Variants in MAN1A1 observed in about 807,000 individuals in gnomAD.
MAN1A1 encodes the protein mannosyl-oligosaccharide 1,2-alpha-mannosidase IA.
A neutral mutation model predicts 70.8 loss-of-function variants in MAN1A1; 29 were observed. That is an observed-to-expected ratio of 0.41 (90% CI 0.31 to 0.56). MAN1A1 has a LOEUF of 0.56. Among genes scored for constraint, MAN1A1 ranks in the 20% least tolerant of loss-of-function variants. MAN1A1 has a pLI of 0.29. For synonymous variants in MAN1A1, 349 were observed against 330.1 expected (o/e 1.06, Z -0.62); for missense variants, 747 against 841.3 (o/e 0.89, Z 1.39).
chr6:119,317,261 T>A (rs1291366666), intron 2 of MAN1A1, among the ~76,000 whole-genome samples: 4 of 152,178 alleles, frequency 2.6e-5, no homozygotes, highest in Non-Finnish European at 5.9e-5. Context: ...CCAAAGTCCA[T>A]GATTTACATT....
At chr6:119,303,117 C>G (rs948245638) in intron 3 of MAN1A1, among the ~76,000 whole-genome samples, 3 of 152,144 alleles carry the variant, frequency 2.0e-5, no homozygotes, top group Non-Finnish European at 4.4e-5. Context: ...CTCCTAGGCA[C>G]AAGTGATTCT....
At chr6:119,180,242 A>G (rs1418060607) in intron 12 of MAN1A1, 70 bp downstream of exon 12, 22 of 1,051,326 alleles carry the variant, frequency 2.1e-5, no homozygotes, top group Non-Finnish European at 3.0e-5. Context: ...GAATGTGTTC[A>G]TGATAAAGAC....
At chr6:119,259,448 T>C (rs977645088) in intron 5 of MAN1A1, among the ~76,000 whole-genome samples, 1 of 152,216 alleles carries the variant, frequency 6.6e-6, no homozygotes, top group African/African-American at 2.4e-5. Context: ...ATACAGGTTT[T>C]GTTTCTTTTA....
In MAN1A1 at chr6:119,223,028, T is replaced by G. The variant is rs534191955; in HGVS notation, c.993-18146A>C. On this transcript the variant is annotated intron_variant, in intron 6 of 12. Coordinates refer to ENST00000368468, the MANE Select transcript of MAN1A1 (RefSeq NM_005907.4). ...TGGATGAATTGTATGGTATGTGAAT[T>G]ATATCTCAAAGTGGTTTAAAAAGGG... Among the ~76,000 whole-genome samples the G allele has an allele frequency of 2.0e-5, 3 of 152,198 alleles. No individual in the cohort carries two copies. The South Asian group carries it at 6.2e-4, about 32-fold the overall frequency.
intron 10 of MAN1A1, among the ~76,000 whole-genome samples, chr6:119,189,022 A>G (rs1773368106): frequency 6.6e-6 from 1 of 152,186 alleles, no homozygotes; most frequent in Non-Finnish European, 1.5e-5. Context: ...CAAAGTAGTC[A>G]TTTTAAAAAC....
chr6:119,284,257 C>T lies in MAN1A1; in HGVS notation c.897+6426G>A, dbSNP rs74968577. Among the ~76,000 whole-genome samples, 52 of 152,266 alleles carry T rather than the reference C, an allele frequency of 3.4e-4. No individual in the cohort carries two copies. The East Asian group carries it at 8.3e-3, about 24-fold the overall frequency. On this transcript the variant is annotated intron_variant, in intron 5 of 12. Coordinates refer to ENST00000368468, the MANE Select transcript of MAN1A1 (RefSeq NM_005907.4). ...ATTGTGATCTGGAGCACATCTCTCA[C>T]GGTTTTTTCCCAATCACCGCCCAAT...
intron 5 of MAN1A1, chr6:119,269,464 G>C (rs1452228369): frequency 1.2e-5 from 2 of 169,250 alleles, no homozygotes; most frequent in Non-Finnish European, 2.6e-5. Flanking sequence ...GCTTGGTCTT[G>C]CGAAGCAGCA....
At chr6:119,202,958 G>T (rs1035736655) in intron 7 of MAN1A1, among the ~76,000 whole-genome samples, 1 of 151,006 alleles carries the variant, frequency 6.6e-6, no homozygotes, top group Non-Finnish European at 1.5e-5. Flanking sequence ...AATGGGATTA[G>T]TGCCCTCATG....
chr6:119,233,817 C>G (rs1020724735), intron 6 of MAN1A1, among the ~76,000 whole-genome samples: 7 of 152,212 alleles, frequency 4.6e-5, no homozygotes, highest in African/African-American at 1.7e-4. Flanking sequence ...CTACAGCTTT[C>G]AGAGGCTTTT....
intron 2 of MAN1A1, among the ~76,000 whole-genome samples, chr6:119,312,007 AC>A (rs1333019732): frequency 6.6e-6 from 1 of 152,156 alleles, no homozygotes; most frequent in African/African-American, 2.4e-5. Context: ...TGAGGAAATA[AC>A]CTAGAGACCA....
chr6:119,230,262 T>C (rs1774641287), intron 6 of MAN1A1, among the ~76,000 whole-genome samples: 1 of 152,208 alleles, frequency 6.6e-6, no homozygotes, highest in Admixed American at 6.5e-5. Context: ...GTCATAATGC[T>C]TTATGGCTCT....
intron 8 of MAN1A1, among the ~76,000 whole-genome samples, chr6:119,197,955 T>C (rs1190215050): frequency 6.6e-6 from 1 of 152,202 alleles, no homozygotes; most frequent in African/African-American, 2.4e-5. Flanking sequence ...TCCCCCTTCA[T>C]AGCAGCTTCT....
chr6:119,300,316 T>G (rs1223084100), intron 4 of MAN1A1, among the ~76,000 whole-genome samples: 3 of 151,580 alleles, frequency 2.0e-5, no homozygotes, highest in Non-Finnish European at 2.9e-5. Context: ...AGTGCAGTGG[T>G]GCAATCACGG....
intron 6 of MAN1A1, among the ~76,000 whole-genome samples, chr6:119,243,448 T>A (rs1162625711): frequency 6.6e-6 from 1 of 152,100 alleles, no homozygotes; most frequent in Non-Finnish European, 1.5e-5. Flanking sequence ...GAAAACACTT[T>A]AACAATATTT....
chr6:119,294,037 C>T (rs57719766), intron 4 of MAN1A1, among the ~76,000 whole-genome samples: 17,378 of 152,040 alleles, frequency 0.11, 1,083 homozygotes, highest in Non-Finnish European at 0.14. Context: ...TCAGCCTAAA[C>T]GAACTAAAAC....
chr6:119,275,532 T>G (rs1428584328), intron 5 of MAN1A1, among the ~76,000 whole-genome samples: 3 of 148,846 alleles, frequency 2.0e-5, no homozygotes, highest in Non-Finnish European at 4.5e-5. Context: ...GGTCTTGATC[T>G]CCTGACCTCG....
chr6:119,285,845 T>C (rs931419826), intron 5 of MAN1A1, among the ~76,000 whole-genome samples: 6 of 152,202 alleles, frequency 3.9e-5, no homozygotes, highest in South Asian at 2.1e-4. Flanking sequence ...CTACCTTTTA[T>C]GGAAAATTCA....
At chr6:119,306,553 T>G (rs568011909) in intron 3 of MAN1A1, among the ~76,000 whole-genome samples, 83 of 152,218 alleles carry the variant, frequency 5.5e-4, no homozygotes, top group African/African-American at 2.0e-3. Flanking sequence ...CAGGAAGCAG[T>G]TAGTGCAGCC....
At chr6:119,292,282 G>T (rs1772056098) in intron 4 of MAN1A1, among the ~76,000 whole-genome samples, 1 of 115,408 alleles carries the variant, frequency 8.7e-6, no homozygotes, top group Non-Finnish European at 2.0e-5. Flanking sequence ...TGTTCATTGG[G>T]CCTACTGCAC....
Sources: allele counts gnomAD v4.1 joint callset (sites outside exome capture counted in the v4.1 genomes callset), GRCh38; gene constraint gnomAD v4.1.1; transcripts MANE v1.5; gene names NCBI Gene and HGNC (gene_info 2026-07-23, HGNC 2026-07-21).